Variants in SCAPER observed in about 807,000 individuals in gnomAD.
SCAPER encodes S phase cyclin A-associated protein in the endoplasmic reticulum.
A neutral mutation model predicts 182.2 loss-of-function variants in SCAPER; 98 were observed. That is an observed-to-expected ratio of 0.54 (90% CI 0.46 to 0.64). SCAPER has a LOEUF of 0.64. Ranked by LOEUF, SCAPER falls within the 30% of genes least tolerant of loss-of-function variation. SCAPER has a pLI of 0.00. For missense variants in SCAPER, 1,432 were observed against 1,690.0 expected (o/e 0.85, Z 2.68); for synonymous variants, 605 against 564.6 (o/e 1.07, Z -1.01).
At chr15:76,782,531 C>T (rs557630532) in intron 8 of SCAPER, among the ~76,000 whole-genome samples, 1 of 152,274 alleles carries the variant, frequency 6.6e-6, no homozygotes, top group East Asian at 1.9e-4. Flanking sequence ...CCAAGCCGAC[C>T]TAATAGACAT....
chr15:76,701,958 A>G (rs2058976584), intron 19 of SCAPER, 93 bp from the exon 20 acceptor site: 1 of 759,028 alleles, frequency 1.3e-6, no homozygotes. Flanking sequence ...ATGTGAGTTG[A>G]GATCCACCTA....
At chr15:76,652,272 AAATATATATAT>A (rs1390201912) in intron 21 of SCAPER, among the ~76,000 whole-genome samples, 180 of 15,748 alleles carry the variant, frequency 0.011, 17 homozygotes, top group African/African-American at 0.024. Flanking sequence ...AAAAAAAAAA[AAATATATATAT>A]ATATATATAT....
At chr15:76,572,448 C>A (rs1374951485) in intron 23 of SCAPER, among the ~76,000 whole-genome samples, 2 of 152,196 alleles carry the variant, frequency 1.3e-5, no homozygotes, top group Non-Finnish European at 2.9e-5. Flanking sequence ...GTGTTACACA[C>A]AAGAACTGAC....
At chr15:76,811,657 A>T (rs1168423330) in intron 5 of SCAPER, among the ~76,000 whole-genome samples, 1 of 152,000 alleles carries the variant, frequency 6.6e-6, no homozygotes, top group Non-Finnish European at 1.5e-5. Context: ...GGGTGCTGGC[A>T]CATGCCTGTA....
At chr15:76,365,976 A>G (rs1241796710) in intron 29 of SCAPER, among the ~76,000 whole-genome samples, 1 of 152,210 alleles carries the variant, frequency 6.6e-6, no homozygotes, top group Admixed American at 6.5e-5. Context: ...TTTCTTACAA[A>G]GGAAAAAAGT....
intron 31 of SCAPER, 175 bp downstream of exon 31, chr15:76,351,062 C>G (rs1480648375): frequency 1.9e-6 from 1 of 522,776 alleles, no homozygotes; most frequent in Non-Finnish European, 3.4e-6. Context: ...TGCATTCATG[C>G]TTCATGACAA....
chr15:76,647,942 G>A (rs993746410), intron 21 of SCAPER, among the ~76,000 whole-genome samples: 1 of 151,868 alleles, frequency 6.6e-6, no homozygotes, highest in Non-Finnish European at 1.5e-5. Flanking sequence ...AAAAGCAAAC[G>A]TACAAGTTTA....
At chr15:76,483,652 A>G (rs2051336489) in intron 24 of SCAPER, among the ~76,000 whole-genome samples, 1 of 152,194 alleles carries the variant, frequency 6.6e-6, no homozygotes. Context: ...ACAACTTAAT[A>G]CGAAGACAAA....
chr15:76,879,342 T>C (rs1362358272), intron 2 of SCAPER, among the ~76,000 whole-genome samples: 55 of 152,156 alleles, frequency 3.6e-4, no homozygotes, highest in Non-Finnish European at 2.1e-4. Context: ...GCACCTTTTG[T>C]CCCTAACTCC....
chr15:76,508,583 T>A (rs902817866), intron 23 of SCAPER, among the ~76,000 whole-genome samples: 2 of 152,244 alleles, frequency 1.3e-5, no homozygotes, highest in South Asian at 2.1e-4. Flanking sequence ...CTTTTTAACT[T>A]TAGTCATTGT....
intron 13 of SCAPER, 129 bp from the exon 14 acceptor site, chr15:76,765,201 T>C (rs911937389): frequency 5.7e-5 from 58 of 1,025,716 alleles, no homozygotes; most frequent in Non-Finnish European, 8.2e-5. Flanking sequence ...CGGGAAAGCT[T>C]TGTTACTTTT....
intron 23 of SCAPER, among the ~76,000 whole-genome samples, chr15:76,539,916 T>G (rs577914392): frequency 4.6e-5 from 7 of 152,156 alleles, no homozygotes; most frequent in Non-Finnish European, 8.8e-5. Flanking sequence ...TAATGGTATA[T>G]GTAAAGGGAT....
chr15:76,806,355 G>GT (rs1568196944), intron 5 of SCAPER, among the ~76,000 whole-genome samples: 2 of 152,094 alleles, frequency 1.3e-5, no homozygotes, highest in Admixed American at 6.5e-5. Context: ...ATACATAGAC[G>GT]TATGAATTTA....
chr15:76,354,213 G>A lies in SCAPER; in HGVS notation c.3856-73C>T, dbSNP rs536637066. On this transcript the variant is annotated intron_variant, in intron 29 of 31. Transcript: ENST00000563290. The surrounding 1 kb of genome is among the most constrained non-coding windows in gnomAD (Gnocchi z 4.4). ...GTCCCTCACCCACCTGCACAGTGTC[G>A]GCTAGTACCATGGAAAACATGCTGA... is the stretch of plus-strand genomic sequence containing the variant. 4.4e-5 allele frequency: 60 copies of A among 1,377,676 alleles called. No individual in the cohort carries two copies. The highest frequency in any genetic ancestry group is 3.9e-4 in the South Asian group (27 of 69,226). 85.3% of individuals were successfully genotyped at this position (1,377,676 alleles called of 1,614,324 possible).
rs556621863 is a variant in SCAPER, at chr15:76,593,809, C to A, written c.2712-19525G>T. The stretch of plus-strand genomic sequence containing the variant: ...ACAAAAAGGACATCCACACAGAAAC[C>A]CCATCCGAAGGTCACCAACATCAAA... On this transcript the variant is annotated intron_variant, in intron 22 of 31. Coordinates refer to ENST00000563290, the MANE Select transcript of SCAPER (RefSeq NM_020843.4). Among the ~76,000 whole-genome samples, 20 of 120,782 alleles carry A rather than the reference C, an allele frequency of 1.7e-4. 2 individuals carry two copies. The highest frequency in any genetic ancestry group is 5.0e-4 in the African/African-American group (20 of 39,670). The allele number at this position is 120,782 out of a possible 152,430, so 79.2% of individuals were successfully genotyped here. A position where few individuals can be genotyped will look rare whatever the true frequency, so the allele number is the denominator to read the frequency against.
At chr15:76,862,860 C>A (rs2071986585) in intron 2 of SCAPER, among the ~76,000 whole-genome samples, 1 of 152,140 alleles carries the variant, frequency 6.6e-6, no homozygotes, top group Admixed American at 6.5e-5. Context: ...GTGAAAGAGA[C>A]CAGTTTTCAC....
At chr15:76,718,816 T>C (rs1224629569) in intron 17 of SCAPER, among the ~76,000 whole-genome samples, 1 of 152,128 alleles carries the variant, frequency 6.6e-6, no homozygotes, top group East Asian at 1.9e-4. Flanking sequence ...TGTACACCAT[T>C]AATCATCAGA....
chr15:76,511,940 T>C (rs953507037), intron 23 of SCAPER, among the ~76,000 whole-genome samples: 3 of 149,872 alleles, frequency 2.0e-5, no homozygotes, highest in African/African-American at 7.4e-5. Context: ...TGGGGTGCAA[T>C]GGCGTGATCT....
At chr15:76,424,662 G>A (rs2046294337) in intron 26 of SCAPER, among the ~76,000 whole-genome samples, 1 of 152,164 alleles carries the variant, frequency 6.6e-6, no homozygotes, top group Non-Finnish European at 1.5e-5. Context: ...CTGCCATTAT[G>A]ATGTTAGCTG....
Sources: allele counts gnomAD v4.1 joint callset (sites outside exome capture counted in the v4.1 genomes callset), GRCh38; gene constraint gnomAD v4.1.1; non-coding constraint Gnocchi (gnomAD v3.1); transcripts MANE v1.5; gene names NCBI Gene and HGNC (gene_info 2026-07-23, HGNC 2026-07-21).